The following EYS variants were observed in gnomAD, a reference collection of about 807,000 sequenced individuals.
The protein encoded by EYS is EGF-like photoreceptor maintenance factor.
In EYS, 250 loss-of-function variants were observed where a neutral mutation model predicts 282.1. That is an observed-to-expected ratio of 0.89 (90% CI 0.80 to 0.98). The LOEUF (loss-of-function observed/expected upper bound fraction) is 0.98, where lower values mean the gene tolerates loss of function less well. Ranked by LOEUF, EYS falls within the 50% of genes least tolerant of loss-of-function variation. EYS has a pLI of 0.00. For missense variants in EYS, 4,016 were observed against 3,709.0 expected (o/e 1.08, Z -2.15); for synonymous variants, 1,355 against 1,282.9 (o/e 1.06, Z -1.20).
chr6:64,385,210 T>A (rs585650), intron 29 of EYS, among the ~76,000 whole-genome samples: 4 of 152,006 alleles, frequency 2.6e-5, no homozygotes, highest in Admixed American at 1.3e-4. Flanking sequence ...TTTTTCTGAT[T>A]CATCATACGA....
At chr6:64,236,753 TTTTTTTAA>T (rs1453464287) in intron 30 of EYS, among the ~76,000 whole-genome samples, 4 of 151,048 alleles carry the variant, frequency 2.6e-5, no homozygotes, top group Admixed American at 6.6e-5. Context: ...TTCTTTCAGG[TTTTTTTAA>T]TTTTTTAATT....
chr6:64,889,623 C>T (rs879520387), intron 18 of EYS, among the ~76,000 whole-genome samples: 17 of 152,110 alleles, frequency 1.1e-4, no homozygotes, highest in Non-Finnish European at 1.6e-4. Flanking sequence ...TTTCTTATGC[C>T]TGTCTTTACT....
At chr6:65,038,877 G>A (rs113036553) in intron 13 of EYS, among the ~76,000 whole-genome samples, 1,871 of 151,278 alleles carry the variant, frequency 0.012, 11 homozygotes, top group Middle Eastern at 0.054. Flanking sequence ...TTTGCACACC[G>A]TTTTAGTGTT....
chr6:65,390,718 C>A (rs553777276), intron 7 of EYS, among the ~76,000 whole-genome samples: 1 of 151,708 alleles, frequency 6.6e-6, no homozygotes, highest in African/African-American at 2.4e-5. Flanking sequence ...ACCCCATATC[C>A]ACAATTTCTT....
intron 39 of EYS, among the ~76,000 whole-genome samples, chr6:63,780,526 G>A (rs1307616592): frequency 6.6e-6 from 1 of 152,154 alleles, no homozygotes; most frequent in African/African-American, 2.4e-5. Flanking sequence ...TCATGTGTCT[G>A]TTGGTTGCAT....
intron 35 of EYS, among the ~76,000 whole-genome samples, chr6:63,941,345 G>C (rs2149758191): frequency 6.6e-6 from 1 of 152,280 alleles, no homozygotes; most frequent in Non-Finnish European, 1.5e-5. Flanking sequence ...TCCAGCACCT[G>C]TTGTTTCCTG....
intron 6 of EYS, 68 bp downstream of exon 6, chr6:65,405,106 T>C (rs1394291117): frequency 2.8e-6 from 3 of 1,076,288 alleles, no homozygotes; most frequent in Non-Finnish European, 4.3e-6. Flanking sequence ...TATTTATTCT[T>C]TTCAAATTGC....
intron 5 of EYS, among the ~76,000 whole-genome samples, chr6:65,439,065 C>T (rs909696816): frequency 6.6e-6 from 1 of 152,160 alleles, no homozygotes; most frequent in Non-Finnish European, 1.5e-5. Context: ...TTTCAGCTTT[C>T]CACATATGGC....
chr6:65,373,963 T>C (rs1765258347), intron 8 of EYS, among the ~76,000 whole-genome samples: 2 of 152,192 alleles, frequency 1.3e-5, no homozygotes, highest in Admixed American at 6.5e-5. Flanking sequence ...AATTTTCCTT[T>C]GTGATACAGA....
chr6:64,010,200 G>A (rs1419078141), intron 33 of EYS, among the ~76,000 whole-genome samples: 2 of 152,228 alleles, frequency 1.3e-5, no homozygotes, highest in Admixed American at 6.5e-5. Flanking sequence ...CACTGCGTCG[G>A]GGTGGCAGCA....
At chr6:64,892,546 T>C (rs1767323509) in intron 18 of EYS, among the ~76,000 whole-genome samples, 1 of 152,042 alleles carries the variant, frequency 6.6e-6, no homozygotes, top group African/African-American at 2.4e-5. Context: ...GCATTTCTAC[T>C]TTTTTCTTGT....
chr6:65,513,154 AC>A (rs748875305), intron 2 of EYS, among the ~76,000 whole-genome samples: 1 of 152,264 alleles, frequency 6.6e-6, no homozygotes, highest in Non-Finnish European at 1.5e-5. Context: ...AGAGAATACT[AC>A]AAACACCTCT....
At chr6:63,841,042 A>C (rs114943810) in intron 36 of EYS, among the ~76,000 whole-genome samples, 124 of 152,326 alleles carry the variant, frequency 8.1e-4, no homozygotes, top group African/African-American at 2.8e-3. Flanking sequence ...TCTAGTACTA[A>C]GAAATATAAA....
At chr6:63,735,978 A>G (rs1427563615) in intron 41 of EYS, among the ~76,000 whole-genome samples, 1 of 152,168 alleles carries the variant, frequency 6.6e-6, no homozygotes, top group Non-Finnish European at 1.5e-5. Flanking sequence ...GAGCTACATA[A>G]TGTAGACCCG....
chr6:64,162,205 C>T (rs1775128182), intron 31 of EYS, among the ~76,000 whole-genome samples: 1 of 152,184 alleles, frequency 6.6e-6, no homozygotes, highest in Non-Finnish European at 1.5e-5. Flanking sequence ...TTCATATGCA[C>T]ATCCCCTTTC....
chr6:63,898,134 G>A (rs1254906655), intron 35 of EYS, among the ~76,000 whole-genome samples: 1 of 152,098 alleles, frequency 6.6e-6, no homozygotes, highest in Middle Eastern at 3.2e-3. Context: ...CCCTAATAAC[G>A]ATTTCTGTAG....
chr6:65,218,587 T>C (rs1021668897), intron 12 of EYS, among the ~76,000 whole-genome samples: 1 of 152,108 alleles, frequency 6.6e-6, no homozygotes, highest in Non-Finnish European at 1.5e-5. Flanking sequence ...GAGAAGAGCA[T>C]ACTCTGGGTA....
chr6:64,985,657 G>A (rs1432780059), intron 14 of EYS, among the ~76,000 whole-genome samples: 1 of 151,450 alleles, frequency 6.6e-6, no homozygotes, highest in African/African-American at 2.4e-5. Flanking sequence ...TTTAATTAGG[G>A]TTGTTAGACA....
At chr6:65,079,330 C>T (rs113318534) in intron 12 of EYS, among the ~76,000 whole-genome samples, 2,057 of 151,890 alleles carry the variant, frequency 0.014, 35 homozygotes, top group African/African-American at 0.045. Context: ...TTTAAATTAA[C>T]TTTAATTTAA....
Sources: allele counts gnomAD v4.1 joint callset (sites outside exome capture counted in the v4.1 genomes callset), GRCh38; gene constraint gnomAD v4.1.1; transcripts MANE v1.5; gene names NCBI Gene and HGNC (gene_info 2026-07-23, HGNC 2026-07-21).